VPS13B: variants seen among roughly 807,000 people sequenced by gnomAD.
VPS13B encodes the protein intermembrane lipid transfer protein VPS13B.
A neutral mutation model predicts 426.4 loss-of-function variants in VPS13B; 285 were observed. The observed-to-expected ratio is 0.67, with a 90% CI of 0.61 to 0.74. The LOEUF is 0.74. Among genes scored for constraint, VPS13B ranks in the 30% least tolerant of loss-of-function variants. The pLI, the probability that VPS13B is intolerant of heterozygous loss-of-function variation, is 0.00. For synonymous variants in VPS13B, 1,676 were observed against 1,676.4 expected (o/e 1.00, Z 0.01); for missense variants, 4,537 against 4,782.6 (o/e 0.95, Z 1.51).
intron 22 of VPS13B, 77 bp downstream of exon 22, chr8:99,431,741 A>G (rs1817124269): frequency 6.8e-7 from 1 of 1,476,186 alleles, no homozygotes; most frequent in Admixed American, 1.9e-5. Flanking sequence ...AATATTGGTA[A>G]GACTTTTCTC....
At chr8:99,258,409 C>T (rs1364611104) in intron 17 of VPS13B, among the ~76,000 whole-genome samples, 2 of 151,926 alleles carry the variant, frequency 1.3e-5, no homozygotes, top group East Asian at 3.9e-4. Flanking sequence ...TCTAATATTG[C>T]ATCACTTTGT....
chr8:99,746,956 A>G (rs1810120987), intron 39 of VPS13B, among the ~76,000 whole-genome samples: 1 of 152,122 alleles, frequency 6.6e-6, no homozygotes, highest in African/African-American at 2.4e-5. Flanking sequence ...ATTTTAAGGA[A>G]CACCATGACG....
At chr8:99,571,496 A>G (rs1257855106) in intron 31 of VPS13B, among the ~76,000 whole-genome samples, 1 of 152,122 alleles carries the variant, frequency 6.6e-6, no homozygotes, top group Non-Finnish European at 1.5e-5. Flanking sequence ...TACTACTTCT[A>G]AGGTCAAAGG....
intron 3 of VPS13B, among the ~76,000 whole-genome samples, chr8:99,045,075 G>A (rs1438078767): frequency 1.3e-5 from 2 of 152,196 alleles, no homozygotes; most frequent in Non-Finnish European, 2.9e-5. Flanking sequence ...ATACCCAGTA[G>A]TGGGATTGCT....
intron 19 of VPS13B, among the ~76,000 whole-genome samples, chr8:99,305,584 A>G (rs560750696): frequency 6.6e-6 from 1 of 152,222 alleles, no homozygotes; most frequent in South Asian, 2.1e-4. Flanking sequence ...GTTTTTTATC[A>G]GTGTCTCCCA....
At chr8:99,241,773 C>A (rs1406803739) in intron 17 of VPS13B, among the ~76,000 whole-genome samples, 1 of 152,042 alleles carries the variant, frequency 6.6e-6, no homozygotes, top group Non-Finnish European at 1.5e-5. Context: ...TTGACTATAT[C>A]CATCCCAAAC....
At chr8:99,221,406 GA>G (rs1368896469) in intron 17 of VPS13B, among the ~76,000 whole-genome samples, 1 of 152,034 alleles carries the variant, frequency 6.6e-6, no homozygotes, top group East Asian at 1.9e-4. Flanking sequence ...GTTGACATTA[GA>G]AAAGATTTAA....
chr8:99,420,676 A>G (rs1310000724), intron 21 of VPS13B, among the ~76,000 whole-genome samples: 2 of 152,172 alleles, frequency 1.3e-5, no homozygotes, highest in African/African-American at 2.4e-5. Context: ...GCTACACCAT[A>G]TCACTATGCT....
At chr8:99,167,895 T>G (rs1812103245) in intron 15 of VPS13B, among the ~76,000 whole-genome samples, 1 of 152,108 alleles carries the variant, frequency 6.6e-6, no homozygotes, top group African/African-American at 2.4e-5. Context: ...ACCAAACCAG[T>G]TTTTGAATAT....
chr8:99,212,200 G>T (rs377134892), intron 17 of VPS13B, among the ~76,000 whole-genome samples: 2 of 152,314 alleles, frequency 1.3e-5, no homozygotes, highest in South Asian at 4.1e-4. Flanking sequence ...GCCCAGTCGT[G>T]CAATTTTGAT....
Position 99,271,397 on chromosome 8 carries a change from T to A in VPS13B, c.2516-2801T>A, listed in dbSNP as rs1331650535. Among the ~76,000 whole-genome samples, 5 of 152,154 alleles carry A rather than the reference T, an allele frequency of 3.3e-5. 1 individual carries two copies. Among genetic ancestry groups the A allele is most frequent in the Non-Finnish European group, 1.5e-5 (1 of 68,024 alleles). Reference sequence around the variant, plus strand: ...ATACCATTTCATAGGTGTAATGAACTCTTTAAAGTGTGCTCTAGACCATAG... The same window carrying A: ...ATACCATTTCATAGGTGTAATGAACACTTTAAAGTGTGCTCTAGACCATAG... On this transcript the variant is annotated intron_variant, in intron 17 of 61. Coordinates refer to ENST00000357162, the MANE Select transcript of VPS13B (RefSeq NM_152564.5).
intron 17 of VPS13B, among the ~76,000 whole-genome samples, chr8:99,229,201 T>C (rs1816185417): frequency 6.6e-6 from 1 of 152,212 alleles, no homozygotes; most frequent in South Asian, 2.1e-4. Flanking sequence ...AAGCTGATTT[T>C]GCAGTCTCTG....
At chr8:99,522,777 C>A (rs1194697381) in intron 30 of VPS13B, among the ~76,000 whole-genome samples, 2 of 152,156 alleles carry the variant, frequency 1.3e-5, no homozygotes, top group Non-Finnish European at 2.9e-5. Context: ...ACATTCAAGT[C>A]ATTTCTACAT....
intron 18 of VPS13B, 54 bp from the exon 19 acceptor site, chr8:99,275,027 C>CAAATT: frequency 1.4e-6 from 2 of 1,443,742 alleles, no homozygotes; most frequent in African/African-American, 2.9e-5. Flanking sequence ...ATCAAACATT[C>CAAATT]TCAAGTGACT....
chr8:99,220,096 G>T (rs1227592939), intron 17 of VPS13B, among the ~76,000 whole-genome samples: 2 of 152,164 alleles, frequency 1.3e-5, no homozygotes, highest in Admixed American at 6.5e-5. Flanking sequence ...ATTGGTAGTT[G>T]TCATTGTTTG....
intron 16 of VPS13B, among the ~76,000 whole-genome samples, chr8:99,175,593 T>C (rs1807130135): frequency 6.6e-6 from 1 of 152,036 alleles, no homozygotes; most frequent in Admixed American, 6.6e-5. Context: ...ACCCCATTTC[T>C]AGAAAAATAA....
chr8:99,366,265 G>A (rs532601369), intron 19 of VPS13B, among the ~76,000 whole-genome samples: 21 of 151,954 alleles, frequency 1.4e-4, no homozygotes, highest in African/African-American at 3.9e-4. Context: ...TATATATCTG[G>A]ATGCTCCAGT....
chr8:99,549,672 C>A (rs993246651), intron 30 of VPS13B, among the ~76,000 whole-genome samples: 3 of 152,046 alleles, frequency 2.0e-5, no homozygotes, highest in Non-Finnish European at 2.9e-5. Context: ...AACACTGGGC[C>A]TCATACAAGT....
chr8:99,131,942 G>T (rs1215214777), intron 8 of VPS13B, among the ~76,000 whole-genome samples: 1 of 152,116 alleles, frequency 6.6e-6, no homozygotes, highest in Non-Finnish European at 1.5e-5. Flanking sequence ...TGTCACCCAG[G>T]CTGGAGTGTA....
Sources: gnomAD v4.1 joint callset for allele counts (sites outside exome capture counted in the v4.1 genomes callset) on GRCh38, gnomAD v4.1.1 for gene constraint, MANE v1.5 for transcripts, NCBI Gene and HGNC (gene_info 2026-07-23, HGNC 2026-07-21) for gene names.